STAG3: variants seen among roughly 807,000 people sequenced by gnomAD.
STAG3 encodes the protein cohesin subunit SA-3.
STAG3 carries 101 observed loss-of-function variants against 160.7 expected under a neutral mutation model. That is an observed-to-expected ratio of 0.63 (90% CI 0.54 to 0.74). The LOEUF (loss-of-function observed/expected upper bound fraction) is 0.74. STAG3 is among the 30% of genes least tolerant of loss of function. The pLI, the probability that STAG3 is intolerant of heterozygous loss-of-function variation, is 0.00. For synonymous variants in STAG3, 519 were observed against 585.0 expected (o/e 0.89, Z 1.63); for missense variants, 1,188 against 1,517.4 (o/e 0.78, Z 3.61).
At chr7:100,199,793 C>T (rs778792376) in intron 16 of STAG3, 149 bp downstream of exon 16, 47 of 649,728 alleles carry the variant, frequency 7.2e-5, no homozygotes, top group Middle Eastern at 6.2e-4. Context: ...CAGTGGCTTA[C>T]GCCTATAATC....
intron 8 of STAG3, among the ~76,000 whole-genome samples, chr7:100,190,598 A>G (rs1800291147): frequency 6.6e-6 from 1 of 152,082 alleles, no homozygotes; most frequent in African/African-American, 2.4e-5. Context: ...AATTATCATT[A>G]TAATTCCCCC....
chr7:100,189,682 G>A, intron 8 of STAG3, 86 bp downstream of exon 8: 7 of 1,466,844 alleles, frequency 4.8e-6, no homozygotes, highest in Non-Finnish European at 6.5e-6. Context: ...GCCCTGGGCA[G>A]TCTTTCAAGA....
Position 100,188,913 on chromosome 7 carries a change from C to T in STAG3, c.612C>T (p.Tyr204=), listed in dbSNP as rs1800188022. The T allele has an allele frequency of 6.2e-7, 1 of 1,614,094 alleles. No homozygotes were observed. Among genetic ancestry groups the T allele is most frequent in the South Asian group, 1.1e-5 (1 of 91,088 alleles). The change falls in exon 7 of 34, where the codon TAC becomes TAT. Residue 204 remains tyrosine, a synonymous_variant. Transcript: ENST00000615138. ...FVRTLVCQCQ[Y]SLLYDGFPMD... ...GGACATTGGTCTGTCAGTGCCAGTA[C>T]AGCCTCCTCTATGATGGCTTCCCTA... is the stretch of plus-strand genomic sequence containing the variant.
rs775018201 is a variant in STAG3 at position 100,197,855 on chromosome 7, G to A, written c.1143G>A (p.Glu381=). 3 of 1,613,842 alleles carry A rather than the reference G, an allele frequency of 1.9e-6. No homozygotes were observed. Among genetic ancestry groups the A allele is most frequent in the Non-Finnish European group, 2.5e-6 (3 of 1,180,014 alleles). Reference sequence around the variant, plus strand: ...ACCGGGACCTGACCACACGCCTGGAGCTCTTCACCAGCCGCTTCAAGGTAA... The same window carrying A: ...ACCGGGACCTGACCACACGCCTGGAACTCTTCACCAGCCGCTTCAAGGTAA... The part of the protein sequence containing the change: ...YGNRDLTTRL[E]LFTSRFKDRM... Residue 381 remains glutamate, a synonymous_variant, in exon 11 of 34, where the codon GAG becomes GAA. Transcript: ENST00000615138.
At chr7:100,195,525 C>T (rs1800628884) in intron 9 of STAG3, 143 bp downstream of exon 9, 3 of 683,160 alleles carry the variant, frequency 4.4e-6, no homozygotes, top group African/African-American at 1.8e-5. Flanking sequence ...TTCTTGACAA[C>T]AAATGTTTCA....
chr7:100,179,751 T>C (rs1218576750), intron 1 of STAG3, among the ~76,000 whole-genome samples: 1 of 152,170 alleles, frequency 6.6e-6, no homozygotes, highest in East Asian at 1.9e-4. Context: ...TTTATTTATT[T>C]TGAGATGGAG....
In STAG3 at chr7:100,202,482, A is replaced by G. The variant is rs1201117284; in HGVS notation, c.2592A>G (p.Ile864Met). The G allele has an allele frequency of 2.5e-6, 4 of 1,614,036 alleles. No individual in the cohort carries two copies. Among genetic ancestry groups the G allele is most frequent in the Non-Finnish European group, 3.4e-6 (4 of 1,180,016 alleles). The change falls in exon 25 of 34, where the codon ATA (isoleucine) becomes ATG (methionine). Residue 864 changes from isoleucine to methionine, a missense_variant. By Grantham distance (10) the Ile-to-Met change is conservative. Around this residue, in one of 4 missense-constraint regions of STAG3, gnomAD observed 647 missense variants for 717.2 expected, o/e 0.90. Coordinates refer to ENST00000615138, the MANE Select transcript of STAG3 (RefSeq NM_001282717.2). ...ATTCCCAGGAGGATCATTTACAGAT[A>G]GAGCGGCTACACCAGCGGCGCCGCC... ...SGDSQEDHLQIERLHQRRRLL... is the reference protein window; with the variant it reads ...SGDSQEDHLQMERLHQRRRLL...
chr7:100,186,635 G>T (rs1800020528), intron 5 of STAG3, among the ~76,000 whole-genome samples: 1 of 152,106 alleles, frequency 6.6e-6, no homozygotes, highest in South Asian at 2.1e-4. Context: ...AGTGAGCCAG[G>T]ATAGCGCCAC....
rs557088096 is a variant in STAG3 at position 100,182,426 on chromosome 7, T to C, written c.219+234T>C. Among the ~76,000 whole-genome samples, 157 of 151,928 alleles carry C rather than the reference T, an allele frequency of 1.0e-3. 3 individuals are homozygous for C. The South Asian group carries it at 0.03, about 29-fold the overall frequency. ...ATACGGTTCATAAAAGGACAAGATT[T>C]ACAAAGTATTAAGGGATGGAAATAG... is the stretch of plus-strand genomic sequence containing the variant. On this transcript the variant is annotated intron_variant, in intron 3 of 33. Coordinates refer to ENST00000615138, the MANE Select transcript of STAG3 (RefSeq NM_001282717.2).
In STAG3 at chr7:100,186,307, T is replaced by G. The variant is rs756773041; in HGVS notation, c.433+11T>G. Reference sequence around the variant, plus strand: ...CTTGCGGATGTAAAGGTGAGGAAACTGCTCCCCCTTTCTAATTCCCAGCCT... The same window carrying G: ...CTTGCGGATGTAAAGGTGAGGAAACGGCTCCCCCTTTCTAATTCCCAGCCT... On this transcript the variant is annotated intron_variant, in intron 5 of 33. Coordinates refer to ENST00000615138, the MANE Select transcript of STAG3 (RefSeq NM_001282717.2). 3 of 1,607,490 alleles carry G rather than the reference T, an allele frequency of 1.9e-6. No individual in the cohort carries two copies. In the African/African-American group the frequency reaches 4.0e-5, roughly 21 times the overall value.
In STAG3 at chr7:100,213,862, C is replaced by T. The variant is rs371900698; in HGVS notation, c.3672+56C>T. 2,336 of 1,613,774 alleles carry T rather than the reference C, an allele frequency of 1.4e-3. 6 individuals carry two copies. Among genetic ancestry groups the T allele is most frequent in the Non-Finnish European group, 1.8e-3 (2,182 of 1,179,686 alleles). On this transcript the variant is annotated intron_variant, in intron 33 of 33. Transcript: ENST00000615138. The stretch of plus-strand genomic sequence containing the variant: ...CCTTCGGAAATGCTGGCAGGCAACC[C>T]GTGCACTCATCAAATTGACAGGCCA...
chr7:100,213,514 CAA>C (rs1802469036), intron 32 of STAG3: 1 of 985,182 alleles, frequency 1.0e-6, no homozygotes, highest in Admixed American at 6.2e-5. Context: ...TTCTGGTTTC[CAA>C]AACAAAGTCA....
intron 4 of STAG3, among the ~76,000 whole-genome samples, chr7:100,184,240 T>G (rs1220237903): frequency 6.6e-6 from 1 of 151,326 alleles, no homozygotes; most frequent in African/African-American, 2.4e-5. Flanking sequence ...CACTCCAGCC[T>G]GGATGACAGA....
rs1332590145 is a variant in STAG3 at position 100,214,311 on chromosome 7, G to A, written c.*296G>A. The A allele has an allele frequency of 1.8e-5, 8 of 456,938 alleles. No homozygotes were observed. The highest frequency in any genetic ancestry group is 2.7e-5 in the Non-Finnish European group (7 of 258,044). 28.3% of individuals were successfully genotyped at this position (456,938 alleles called of 1,614,324 possible). On this transcript the variant is annotated 3_prime_UTR_variant, in exon 34 of 34. Coordinates refer to ENST00000615138, the MANE Select transcript of STAG3 (RefSeq NM_001282717.2). ...TAATGGAAATAGCCCATAGTCTCCT[G>A]GATTTTTGGAACATCTTTCTCAGCC...
At chr7:100,194,295 CTTCCT>C (rs1800543845) in intron 8 of STAG3, among the ~76,000 whole-genome samples, 1 of 152,186 alleles carries the variant, frequency 6.6e-6, no homozygotes, top group Non-Finnish European at 1.5e-5. Flanking sequence ...ACATGTGACT[CTTCCT>C]TTCATTTGGA....
intron 4 of STAG3, among the ~76,000 whole-genome samples, chr7:100,183,171 G>A (rs1400333422): frequency 3.9e-5 from 6 of 152,062 alleles, no homozygotes; most frequent in Admixed American, 1.3e-4. Flanking sequence ...GTGCCACCAC[G>A]CCCAGCTACT....
In STAG3 at chr7:100,213,910, G is replaced by A. The variant is rs937750381; in HGVS notation, c.3673-97G>A. The A allele has an allele frequency of 3.1e-6, 5 of 1,612,838 alleles. No homozygotes were observed. In the African/African-American group the frequency reaches 5.3e-5, roughly 17 times the overall value. ...CCATAGCCTGGGGGTGGCCCTCTGG[G>A]CTGTCTCTGGGGCTTTGAGGGTAAC... On this transcript the variant is annotated intron_variant, in intron 33 of 33. Coordinates refer to ENST00000615138, the MANE Select transcript of STAG3 (RefSeq NM_001282717.2).
At chr7:100,181,577 C>G (rs1799645785) in intron 2 of STAG3, 1 of 152,472 alleles carries the variant, frequency 6.6e-6, no homozygotes, top group African/African-American at 2.4e-5. Flanking sequence ...GGAGAGAATA[C>G]TAGGAAGAGT....
In STAG3 at chr7:100,204,126, C is replaced by T. The variant is rs201756125; in HGVS notation, c.2802+4C>T. ...CCTGCTGCTGAGCCTCAAGCAGGTG[C>T]GCCCTTCTGCCTTGAGGACATGCCA... On this transcript the variant is annotated splice_donor_region_variant and intron_variant, in intron 26 of 33. Transcript: ENST00000615138. 1.8e-5 allele frequency: 29 copies of T among 1,612,190 alleles called. No individual in the cohort carries two copies. Among genetic ancestry groups the T allele is most frequent in the South Asian group, 3.3e-5 (3 of 91,050 alleles).
Sources: allele counts gnomAD v4.1 joint callset (sites outside exome capture counted in the v4.1 genomes callset), GRCh38; gene constraint gnomAD v4.1.1; regional missense constraint gnomAD v4.1.1; transcripts MANE v1.5; gene names NCBI Gene and HGNC (gene_info 2026-07-23, HGNC 2026-07-21).